CDK17: variants seen among roughly 807,000 people sequenced by gnomAD.
CDK17 encodes the protein cyclin dependent kinase 17.
CDK17 carries 24 observed loss-of-function variants against 77.6 expected under a neutral mutation model. That is an observed-to-expected ratio of 0.31 (90% CI 0.22 to 0.44). The LOEUF is 0.44. Ranked by LOEUF, CDK17 falls within the 20% of genes least tolerant of loss-of-function variation. The pLI, the probability that CDK17 is intolerant of heterozygous loss-of-function variation, is 1.00. For missense variants in CDK17, 429 were observed against 622.5 expected, an observed-to-expected ratio of 0.69 and a Z score of 3.31; for synonymous variants, 203 against 210.4, an observed-to-expected ratio of 0.96 and a Z score of 0.30.
intron 5 of CDK17, among the ~76,000 whole-genome samples, chr12:96,304,082 T>C (rs1952543498): frequency 6.6e-6 from 1 of 152,210 alleles, no homozygotes. Flanking sequence ...CTCTATCTCT[T>C]GCTCTCAAAA....
At chr12:96,360,167 A>G (rs1362909715) in intron 1 of CDK17, among the ~76,000 whole-genome samples, 1 of 152,156 alleles carries the variant, frequency 6.6e-6, no homozygotes, top group Non-Finnish European at 1.5e-5. Flanking sequence ...AAATATCTAG[A>G]AGTCTTGGAA....
At chr12:96,291,952 GAGA>G (rs375771974) in intron 10 of CDK17, among the ~76,000 whole-genome samples, 11 of 152,120 alleles carry the variant, frequency 7.2e-5, no homozygotes, top group Middle Eastern at 3.4e-3. Context: ...AGCAAACAAA[GAGA>G]AGGAGAAGGA....
rs1952454878 is a variant in CDK17 at position 96,298,924 on chromosome 12, T to C, written c.660A>G (p.Leu220=). The change falls in exon 7 of 17, where the codon TTA becomes TTG. Residue 220 remains leucine (L), a synonymous_variant. Coordinates refer to ENST00000261211, the MANE Select transcript of CDK17 (RefSeq NM_002595.5). ...CTTCATGTTCCAATCGGATCTCTTT[T>C]AATGCCACCAAATTCTCTGTCAATT... ...RSKLTENLVA[L]KEIRLEHEEG... 2 of 1,611,166 alleles carry C rather than the reference T, an allele frequency of 1.2e-6. No individual in the cohort carries two copies. The highest frequency in any genetic ancestry group is 1.7e-6 in the Non-Finnish European group (2 of 1,177,512).
chr12:96,345,251 C>T (rs1360924110), intron 1 of CDK17, among the ~76,000 whole-genome samples: 2 of 152,190 alleles, frequency 1.3e-5, no homozygotes, highest in South Asian at 2.1e-4. Flanking sequence ...GGGTTGATTC[C>T]ATGTCTTTGC....
At chr12:96,383,920 T>C (rs1021774854) in intron 1 of CDK17, among the ~76,000 whole-genome samples, 2 of 152,072 alleles carry the variant, frequency 1.3e-5, no homozygotes, top group South Asian at 2.1e-4. Context: ...CAGGACGTAA[T>C]GAAACTAAAG....
At chr12:96,371,969 G>C (rs184667566) in intron 1 of CDK17, among the ~76,000 whole-genome samples, 18 of 145,184 alleles carry the variant, frequency 1.2e-4, no homozygotes, top group Admixed American at 1.2e-3. Flanking sequence ...TTAAAAAGAG[G>C]GGGGACGGAG....
intron 10 of CDK17, among the ~76,000 whole-genome samples, chr12:96,292,404 G>A (rs972394843): frequency 2.6e-5 from 4 of 152,006 alleles, no homozygotes; most frequent in Non-Finnish European, 5.9e-5. Flanking sequence ...CCAGGAGTTC[G>A]AGACCAGCCT....
In CDK17 at chr12:96,283,587, G is replaced by GTA; in HGVS notation, c.1365+14_1365+15dup. The GTA allele has an allele frequency of 6.5e-7, 1 of 1,534,794 alleles. No homozygotes were observed. The highest frequency in any genetic ancestry group is 9.0e-7 in the Non-Finnish European group (1 of 1,110,184). ...CTTAACAACCTATTTAACAATTACT[G>GTA]TAAGAACTGACTTACCTGAAGAAAT... On this transcript the variant is annotated intron_variant, in intron 14 of 16. Transcript: ENST00000261211.
rs1302930044 is a variant in CDK17 at position 96,400,387 on chromosome 12, G to GCCGC, written c.-435_-432dup. 2.6e-6 allele frequency: 1 copy of GCCGC among 384,530 alleles called. No homozygotes were observed. Among genetic ancestry groups the GCCGC allele is most frequent in the Non-Finnish European group, 4.6e-6 (1 of 217,446 alleles). 23.8% of individuals were successfully genotyped at this position (384,530 alleles called of 1,614,324 possible). On this transcript the variant is annotated 5_prime_UTR_variant, in exon 1 of 17. Coordinates refer to ENST00000261211, the MANE Select transcript of CDK17 (RefSeq NM_002595.5). ...CGGGGAGCTCAGGAGACTGCGGGCG[G>GCCGC]CCGCGTTCGCTCCTTGCGTGTGCGT...
intron 1 of CDK17, among the ~76,000 whole-genome samples, chr12:96,349,354 G>C (rs1429168720): frequency 6.6e-6 from 1 of 152,082 alleles, no homozygotes; most frequent in Non-Finnish European, 1.5e-5. Context: ...TTAGGAGGTT[G>C]AGGCGGGAGA....
chr12:96,362,195 C>T (rs1411717585), intron 1 of CDK17, among the ~76,000 whole-genome samples: 2 of 151,964 alleles, frequency 1.3e-5, no homozygotes, highest in Non-Finnish European at 2.9e-5. Flanking sequence ...ATGATAAGAA[C>T]ATAAGATAGT....
Position 96,311,038 on chromosome 12 carries a change from G to A in CDK17, c.543+14C>T, listed in dbSNP as rs372057433. The A allele has an allele frequency of 1.2e-4, 194 of 1,594,536 alleles. 2 individuals carry two copies. In the South Asian group the frequency reaches 1.9e-3, roughly 15 times the overall value. ...TCTGATTGATGGTGGAGGTATAGGA[G>A]ACCAAAAACTTACTAAGGAAGCTCT... On this transcript the variant is annotated intron_variant, in intron 5 of 16. Transcript: ENST00000261211.
Position 96,398,347 on chromosome 12 carries a change from C to T in CDK17, c.-30+1639G>A, listed in dbSNP as rs914637453. On this transcript the variant is annotated intron_variant, in intron 1 of 16. Transcript: ENST00000261211. ...AGAGTTGCAAAAATTGAAATGACTT[C>T]ATTAACAAAGCAACATCCCAACGTT... Among the ~76,000 whole-genome samples the T allele has an allele frequency of 2.6e-5, 4 of 152,260 alleles. No individual in the cohort carries two copies. The South Asian group carries it at 6.2e-4, about 24-fold the overall frequency.
intron 1 of CDK17, among the ~76,000 whole-genome samples, chr12:96,356,356 C>T (rs1452745923): frequency 2.6e-5 from 4 of 152,122 alleles, no homozygotes; most frequent in South Asian, 2.1e-4. Flanking sequence ...AGTGCAGTAA[C>T]GGGATCATGG....
intron 5 of CDK17, chr12:96,303,057 A>T (rs1308228985): frequency 1.3e-5 from 2 of 152,196 alleles, no homozygotes; most frequent in Admixed American, 1.3e-4. Context: ...TTTAAATAAA[A>T]TTTTTAGAAA....
chr12:96,286,101 A>G lies in CDK17; in HGVS notation c.1264T>C (p.Phe422Leu). The change falls in exon 13 of 17, where the codon TTC (phenylalanine) becomes CTC (leucine). Residue 422 changes from phenylalanine (F) to leucine (L), a missense_variant. Coordinates refer to ENST00000261211, the MANE Select transcript of CDK17 (RefSeq NM_002595.5). ...TWPGISSNEE[F>L]KNYNFPKYKP... Reference sequence around the variant, plus strand: ...TATTTTGGAAAGTTGTAGTTCTTGAACTCCTCATTTGAAGAAATACCTGGC... The same window carrying G: ...TATTTTGGAAAGTTGTAGTTCTTGAGCTCCTCATTTGAAGAAATACCTGGC... 4.0e-6 allele frequency: 6 copies of G among 1,510,294 alleles called. No individual in the cohort carries two copies. Among genetic ancestry groups the G allele is most frequent in the Non-Finnish European group, 5.3e-6 (6 of 1,124,196 alleles). 93.6% of individuals were successfully genotyped at this position (1,510,294 alleles called of 1,614,324 possible). A position where few individuals can be genotyped will look rare whatever the true frequency, so the allele number is the denominator to read the frequency against.
At chr12:96,332,041 G>C (rs1309029436) in intron 2 of CDK17, among the ~76,000 whole-genome samples, 2 of 152,124 alleles carry the variant, frequency 1.3e-5, no homozygotes, top group East Asian at 3.8e-4. Context: ...TGCCACACCC[G>C]CTGTAACATA....
chr12:96,293,048 T>C (rs1952347516), intron 10 of CDK17, among the ~76,000 whole-genome samples: 1 of 152,222 alleles, frequency 6.6e-6, no homozygotes, highest in South Asian at 2.1e-4. Context: ...TTTGCCACAT[T>C]AGAAATTAAA....
At chr12:96,309,672 G>A (rs531168440) in intron 5 of CDK17, among the ~76,000 whole-genome samples, 3 of 152,084 alleles carry the variant, frequency 2.0e-5, no homozygotes, top group Admixed American at 1.3e-4. Context: ...ACAGACTTGG[G>A]TAGTTAATTC....
Sources: allele counts gnomAD v4.1 joint callset (sites outside exome capture counted in the v4.1 genomes callset), GRCh38; gene constraint gnomAD v4.1.1; transcripts MANE v1.5; gene names NCBI Gene and HGNC (gene_info 2026-07-23, HGNC 2026-07-21).